The following CLNK variants were observed in gnomAD, a reference collection of about 807,000 sequenced individuals.
The protein encoded by CLNK is cytokine-dependent hematopoietic cell linker.
CLNK carries 74 observed loss-of-function variants against 68.6 expected under a neutral mutation model. The ratio of observed to expected loss-of-function variants is 1.08; its 90% CI spans 0.89 to 1.31. The LOEUF (loss-of-function observed/expected upper bound fraction) is 1.31, where lower values mean the gene tolerates loss of function less well. Among genes scored for constraint, CLNK ranks in the 50% most tolerant of loss-of-function variants. The pLI, the probability that CLNK is intolerant of heterozygous loss-of-function variation, is 0.00. For missense variants in CLNK, 553 were observed against 515.3 expected (o/e 1.07, Z -0.71); for synonymous variants, 198 against 172.2 (o/e 1.15, Z -1.17).
intron 14 of CLNK, among the ~76,000 whole-genome samples, chr4:10,522,480 G>A (rs1462888576): frequency 2.7e-5 from 4 of 147,286 alleles, no homozygotes; most frequent in Non-Finnish European, 6.0e-5. Flanking sequence ...AGGCTGAGGC[G>A]GGAGAATTGC....
chr4:10,732,303 C>A, the CLNK span, among the ~76,000 whole-genome samples: 2 of 151,990 alleles, frequency 1.3e-5, no homozygotes, highest in African/African-American at 2.4e-5. Flanking sequence ...GAAGGTTGGG[C>A]GGATTTAACA....
chr4:10,671,116 T>C (rs1724614750), intron 1 of CLNK, among the ~76,000 whole-genome samples: 1 of 152,154 alleles, frequency 6.6e-6, no homozygotes. Context: ...CCAGATGCAG[T>C]GGCTCACACC....
At chr4:10,667,966 TG>T in intron 1 of CLNK, 55 bp from the exon 2 acceptor site, 1 of 1,035,286 alleles carries the variant, frequency 9.7e-7, no homozygotes, top group Non-Finnish European at 1.4e-6. Flanking sequence ...GTTTTAATTC[TG>T]GGGAACAAGC....
rs74901289 is a variant in CLNK at position 10,569,638 on chromosome 4, C to A, written c.150+2103G>T. Among the ~76,000 whole-genome samples the A allele has an allele frequency of 4.4e-3, 667 of 152,288 alleles. 4 individuals carry two copies. The highest frequency in any genetic ancestry group is 0.016 in the African/African-American group (655 of 41,560). On this transcript the variant is annotated intron_variant, in intron 5 of 18. Coordinates refer to ENST00000226951, the MANE Select transcript of CLNK (RefSeq NM_052964.4). ...AACACTAGACTGGCAGGAATGGACA[C>A]CAGTCTGCAACAGATGCACTCACAC...
At position 10,536,709 on chromosome 4, in the gene CLNK, G is replaced by GAAA. The variant is rs549237982; in HGVS notation, c.602+3782_602+3784dup. 5.1e-3 allele frequency among the ~76,000 whole-genome samples: 772 copies of GAAA among 152,182 alleles called. 12 individuals are homozygous for GAAA. The highest frequency in any genetic ancestry group is 0.017 in the African/African-American group (722 of 41,504). ...GGGCTGCTGGAAAAATTCAATAAGA[G>GAAA]AAAATATAATTACTCTCTTGAGGTG... On this transcript the variant is annotated intron_variant, in intron 11 of 18. Coordinates refer to ENST00000226951, the MANE Select transcript of CLNK (RefSeq NM_052964.4).
the CLNK span, among the ~76,000 whole-genome samples, chr4:10,702,461 A>C: frequency 6.6e-6 from 1 of 152,156 alleles, no homozygotes; most frequent in Non-Finnish European, 1.5e-5. Context: ...GACTGGAGCT[A>C]CTTAGGAGAT....
the CLNK span, among the ~76,000 whole-genome samples, chr4:10,695,374 T>C: frequency 1.3e-5 from 2 of 152,156 alleles, no homozygotes; most frequent in Non-Finnish European, 2.9e-5. Flanking sequence ...ATTTGTCAAC[T>C]AAAAATAAAA....
In CLNK at chr4:10,489,513, T is replaced by C. The variant is rs1716476799; in HGVS notation, c.*954A>G. ...ACTTGAAGCAGATGATGCTGGAGGC[T>C]GGTCCCATGACCGTTTCACACCCTA... On this transcript the variant is annotated 3_prime_UTR_variant, in exon 19 of 19. Transcript: ENST00000226951. 6.6e-6 allele frequency: 1 copy of C among 152,208 alleles called. No individual in the cohort carries two copies. The highest frequency in any genetic ancestry group is 1.5e-5 in the Non-Finnish European group (1 of 68,046). The allele number at this position is 152,208 out of a possible 1,614,324, so 9.4% of individuals were successfully genotyped here.
intron 7 of CLNK, among the ~76,000 whole-genome samples, chr4:10,560,593 G>A (rs1350854211): frequency 2.0e-5 from 3 of 147,246 alleles, no homozygotes; most frequent in African/African-American, 5.0e-5. Flanking sequence ...ACAGGCGTGC[G>A]TCACCATGCC....
intron 2 of CLNK, among the ~76,000 whole-genome samples, chr4:10,664,969 G>T (rs749690813): frequency 6.6e-6 from 1 of 152,234 alleles, no homozygotes; most frequent in South Asian, 2.1e-4. Flanking sequence ...ACTGGCCTGA[G>T]GGTGCACAAG....
intron 18 of CLNK, among the ~76,000 whole-genome samples, chr4:10,498,262 C>T (rs544056068): frequency 5.9e-5 from 9 of 152,198 alleles, no homozygotes; most frequent in Non-Finnish European, 8.8e-5. Context: ...GAGGCTGAGG[C>T]GGGCGAATCA....
intron 1 of CLNK, among the ~76,000 whole-genome samples, chr4:10,682,582 A>G (rs540019262): frequency 2.0e-5 from 3 of 152,318 alleles, no homozygotes; most frequent in Admixed American, 6.5e-5. Flanking sequence ...TTCAAATTAC[A>G]CAACTCCAAC....
chr4:10,706,244 T>C, the CLNK span, among the ~76,000 whole-genome samples: 2 of 152,230 alleles, frequency 1.3e-5, no homozygotes, highest in Non-Finnish European at 2.9e-5. Flanking sequence ...TCCTTTGTTC[T>C]TCTCAGTTTC....
intron 11 of CLNK, among the ~76,000 whole-genome samples, chr4:10,536,842 A>T (rs1056709841): frequency 1.3e-5 from 2 of 152,182 alleles, no homozygotes; most frequent in Non-Finnish European, 2.9e-5. Context: ...ACTTCTAAAG[A>T]TGTCAACACC....
At chr4:10,723,269 C>T in the CLNK span, among the ~76,000 whole-genome samples, 17 of 151,936 alleles carry the variant, frequency 1.1e-4, no homozygotes, top group Non-Finnish European at 2.1e-4. Flanking sequence ...GAAGTGCTTA[C>T]GATCCGTGCT....
chr4:10,566,139 A>C lies in CLNK; in HGVS notation c.162T>G (p.Phe54Leu), dbSNP rs1322936984. Residue 54 changes from phenylalanine to leucine, a missense_variant, in exon 6 of 19, where the codon TTT becomes TTG. By Grantham distance (22) the Phe-to-Leu change is conservative. Coordinates refer to ENST00000226951, the MANE Select transcript of CLNK (RefSeq NM_052964.4). ...CTTTTGCTCCATCCAGGACTGCAGC[A>C]AAGTTTCTTTCCTAAGCAGGTGGTA... ...NKPLLDWERNFAAVLDGAKGH... is the reference protein window; with the variant it reads ...NKPLLDWERNLAAVLDGAKGH... 1 of 1,613,648 alleles carries C rather than the reference A, an allele frequency of 6.2e-7. No homozygotes were observed. The highest frequency in any genetic ancestry group is 1.7e-5 in the Admixed American group (1 of 59,998).
chr4:10,570,304 A>C (rs971009231), intron 5 of CLNK, among the ~76,000 whole-genome samples: 1 of 152,160 alleles, frequency 6.6e-6, no homozygotes. Flanking sequence ...AGGACATGAT[A>C]AGAAGGCTGG....
At chr4:10,541,763 C>T (rs573155029) in intron 10 of CLNK, among the ~76,000 whole-genome samples, 86 of 152,054 alleles carry the variant, frequency 5.7e-4, no homozygotes, top group African/African-American at 1.9e-3. Context: ...GGGAGGAATA[C>T]ATTCATTGAG....
At chr4:10,627,279 G>C (rs1443043529) in intron 2 of CLNK, among the ~76,000 whole-genome samples, 1 of 152,124 alleles carries the variant, frequency 6.6e-6, no homozygotes, top group Non-Finnish European at 1.5e-5. Flanking sequence ...ATGCAGAACA[G>C]GAAGCACATC....
Sources: allele counts gnomAD v4.1 joint callset (sites outside exome capture counted in the v4.1 genomes callset), GRCh38; gene constraint gnomAD v4.1.1; transcripts MANE v1.5; gene names NCBI Gene and HGNC (gene_info 2026-07-23, HGNC 2026-07-21).